SGCZ: variants seen among roughly 807,000 people sequenced by gnomAD.
The protein encoded by SGCZ is sarcoglycan zeta, also known as zeta-sarcoglycan.
Under a neutral mutation model 41.3 loss-of-function variants are expected in SGCZ, and 40 were observed. The ratio of observed to expected loss-of-function variants is 0.97; its 90% CI spans 0.75 to 1.26. The LOEUF is 1.26. Among genes scored for constraint, SGCZ ranks in the 50% most tolerant of loss-of-function variants. The probability of loss-of-function intolerance (pLI) is 0.00; values close to 1 mark genes in which losing one functional copy is unlikely to be tolerated. For missense variants in SGCZ, 552 were observed against 369.8 expected (o/e 1.49, Z -4.04); for synonymous variants, 206 against 137.5 (o/e 1.50, Z -3.49).
intron 5 of SGCZ, among the ~76,000 whole-genome samples, chr8:14,153,368 T>C (rs190474282): frequency 3.9e-4 from 59 of 152,238 alleles, no homozygotes; most frequent in Admixed American, 5.9e-4. Flanking sequence ...TTTGACTTTG[T>C]CAAAGAGTGA....
chr8:14,093,807 A>C (rs1801760648), intron 7 of SGCZ, among the ~76,000 whole-genome samples: 1 of 152,004 alleles, frequency 6.6e-6, no homozygotes, highest in African/African-American at 2.4e-5. Context: ...TTTTCTAAAC[A>C]CTCTATTAAA....
chr8:14,581,843 G>A (rs1335772897), intron 1 of SGCZ, among the ~76,000 whole-genome samples: 1 of 152,114 alleles, frequency 6.6e-6, no homozygotes, highest in Non-Finnish European at 1.5e-5. Flanking sequence ...TTAATTAGTT[G>A]CTTTTTATAC....
At chr8:14,363,456 C>A (rs941715122) in intron 2 of SGCZ, among the ~76,000 whole-genome samples, 1 of 152,004 alleles carries the variant, frequency 6.6e-6, no homozygotes, top group African/African-American at 2.4e-5. Context: ...GTTTTATGCC[C>A]GTAGGTAATA....
At chr8:15,127,430 A>G (rs1357474191) in intron 1 of SGCZ, among the ~76,000 whole-genome samples, 1 of 152,234 alleles carries the variant, frequency 6.6e-6, no homozygotes, top group Non-Finnish European at 1.5e-5. Context: ...GTAACTCAGG[A>G]CTTACTAGAC....
intron 2 of SGCZ, among the ~76,000 whole-genome samples, chr8:14,388,293 A>C (rs1804643857): frequency 6.6e-6 from 1 of 152,172 alleles, no homozygotes; most frequent in African/African-American, 2.4e-5. Context: ...GTGGAACAGG[A>C]AATGAAGATA....
chr8:14,183,115 T>C (rs1400340571), intron 4 of SGCZ, among the ~76,000 whole-genome samples: 2 of 152,108 alleles, frequency 1.3e-5, no homozygotes, highest in African/African-American at 4.8e-5. Flanking sequence ...ATTACAAATA[T>C]TACAGGTGTT....
chr8:14,907,446 T>G (rs1332322752), intron 1 of SGCZ, among the ~76,000 whole-genome samples: 6 of 152,106 alleles, frequency 3.9e-5, no homozygotes, highest in African/African-American at 1.4e-4. Flanking sequence ...CCTCAGCCTC[T>G]CAAAGTGCTA....
intron 4 of SGCZ, among the ~76,000 whole-genome samples, chr8:14,187,975 T>C (rs1043440720): frequency 6.6e-6 from 1 of 152,060 alleles, no homozygotes; most frequent in Admixed American, 6.6e-5. Flanking sequence ...AAGGAATGCT[T>C]AATAAGGTTA....
intron 2 of SGCZ, among the ~76,000 whole-genome samples, chr8:14,501,972 C>G (rs1802168800): frequency 6.6e-6 from 1 of 151,822 alleles, no homozygotes; most frequent in Non-Finnish European, 1.5e-5. Context: ...AAAGTATAAT[C>G]CATAATCATT....
intron 4 of SGCZ, among the ~76,000 whole-genome samples, chr8:14,195,750 T>C (rs1246558853): frequency 1.3e-5 from 2 of 152,120 alleles, no homozygotes; most frequent in East Asian, 1.9e-4. Context: ...GAGAGCAATA[T>C]CTTTAAAATG....
intron 2 of SGCZ, among the ~76,000 whole-genome samples, chr8:14,352,521 T>C (rs1049675836): frequency 1.3e-5 from 2 of 152,100 alleles, no homozygotes; most frequent in African/African-American, 4.8e-5. Flanking sequence ...CTGTCTCAAA[T>C]GACAGCACAC....
At chr8:15,077,551 G>GT (rs546578163) in intron 1 of SGCZ, among the ~76,000 whole-genome samples, 13 of 152,186 alleles carry the variant, frequency 8.5e-5, no homozygotes, top group Admixed American at 2.6e-4. Flanking sequence ...AGAAGAAGGG[G>GT]TTTTTTTCCT....
intron 5 of SGCZ, among the ~76,000 whole-genome samples, chr8:14,155,792 C>A: frequency 6.6e-6 from 1 of 151,900 alleles, no homozygotes; most frequent in African/African-American, 2.4e-5. Flanking sequence ...AGAAATGCAT[C>A]ATTTGGTGAT....
intron 1 of SGCZ, among the ~76,000 whole-genome samples, chr8:14,965,891 T>C (rs1801112841): frequency 6.6e-6 from 1 of 152,040 alleles, no homozygotes. Flanking sequence ...ATTAAAAGAA[T>C]AAACAATACT....
intron 1 of SGCZ, among the ~76,000 whole-genome samples, chr8:14,716,061 A>T (rs1163908434): frequency 6.6e-6 from 1 of 152,126 alleles, no homozygotes; most frequent in Non-Finnish European, 1.5e-5. Flanking sequence ...AATGCTTCGG[A>T]AAATACCAGA....
chr8:14,307,279 C>T (rs1801380350), intron 3 of SGCZ, among the ~76,000 whole-genome samples: 1 of 152,086 alleles, frequency 6.6e-6, no homozygotes, highest in South Asian at 2.1e-4. Context: ...CAAGACTAGA[C>T]CATGTAATTC....
At chr8:14,115,629 C>T (rs1177546338) in intron 5 of SGCZ, among the ~76,000 whole-genome samples, 2 of 151,924 alleles carry the variant, frequency 1.3e-5, no homozygotes, top group Admixed American at 6.6e-5. Flanking sequence ...CTAGTCTTGG[C>T]TCTTTGAACT....
chr8:14,876,515 A>T (rs1406413268), intron 1 of SGCZ, among the ~76,000 whole-genome samples: 1 of 152,166 alleles, frequency 6.6e-6, no homozygotes, highest in African/African-American at 2.4e-5. Flanking sequence ...AAATAAATGA[A>T]ATCAACAACT....
chr8:14,187,397 A>C (rs1282389735), intron 4 of SGCZ, among the ~76,000 whole-genome samples: 11 of 152,238 alleles, frequency 7.2e-5, no homozygotes, highest in Admixed American at 7.2e-4. Context: ...CAAATGTCAG[A>C]CTTAACCAAG....
Sources: gnomAD v4.1 joint callset for allele counts (sites outside exome capture counted in the v4.1 genomes callset) on GRCh38, gnomAD v4.1.1 for gene constraint, MANE v1.5 for transcripts, NCBI Gene and HGNC (gene_info 2026-07-23, HGNC 2026-07-21) for gene names.